Variants in SENP2 observed in about 807,000 individuals in gnomAD.
SENP2 encodes sentrin-specific protease 2.
In SENP2, 16 loss-of-function variants were observed where a neutral mutation model predicts 86.3. The ratio of observed to expected loss-of-function variants is 0.19; its 90% confidence interval spans 0.13 to 0.28. SENP2 has a LOEUF of 0.28. Among genes scored for constraint, SENP2 ranks in the 10% least tolerant of loss-of-function variants. The pLI, the probability that SENP2 is intolerant of heterozygous loss-of-function variation, is 1.00. For missense variants in SENP2, 552 were observed against 703.0 expected, an observed-to-expected ratio of 0.79 and a Z score of 2.43; for synonymous variants, 222 against 238.7, an observed-to-expected ratio of 0.93 and a Z score of 0.64.
chr3:185,611,637 T>C lies in SENP2; in HGVS notation c.723-14T>C. On this transcript the variant is annotated splice_polypyrimidine_tract_variant and intron_variant, in intron 7 of 16. Transcript: ENST00000296257. ...CTTTTGTATCTGATCTCCCTCACTT[T>C]TTGTGTTTCTAAGTTCTCAAAGAAG... 6.3e-7 allele frequency: 1 copy of C among 1,589,850 alleles called. No homozygotes were observed. Among genetic ancestry groups the C allele is most frequent in the Non-Finnish European group, 8.6e-7 (1 of 1,158,956 alleles).
intron 6 of SENP2, among the ~76,000 whole-genome samples, chr3:185,607,881 TG>T (rs1388536115): frequency 5.9e-5 from 9 of 152,222 alleles, no homozygotes; most frequent in Non-Finnish European, 8.8e-5. Flanking sequence ...GGGAAGTAAA[TG>T]GTGTGCATCT....
At chr3:185,615,665 G>A (rs983396127) in intron 11 of SENP2, among the ~76,000 whole-genome samples, 3 of 152,040 alleles carry the variant, frequency 2.0e-5, no homozygotes, top group Non-Finnish European at 4.4e-5. Context: ...AATTTCTATT[G>A]GGTTTATAGA....
rs1228243966 is a variant in SENP2 at position 185,631,029 on chromosome 3, A to ATAT, written c.*1187_*1189dup. 2.6e-5 allele frequency: 4 copies of ATAT among 152,212 alleles called. No individual in the cohort carries two copies. Among genetic ancestry groups the ATAT allele is most frequent in the Non-Finnish European group, 4.4e-5 (3 of 68,034 alleles). The allele number at this position is 152,212 out of a possible 1,614,324, so 9.4% of individuals were successfully genotyped here. On this transcript the variant is annotated 3_prime_UTR_variant, in exon 17 of 17. Transcript: ENST00000296257. Reference sequence around the variant, plus strand: ...CAGACAGTTTAGAGTTGGTCAGAACATATTTTGCAAGATCTAGTGCCTAGT... The same window carrying ATAT: ...CAGACAGTTTAGAGTTGGTCAGAACATATTATTTTGCAAGATCTAGTGCCTAGT...
At chr3:185,597,009 G>A (rs1312795638) in intron 2 of SENP2, among the ~76,000 whole-genome samples, 1 of 151,896 alleles carries the variant, frequency 6.6e-6, no homozygotes, top group Non-Finnish European at 1.5e-5. Context: ...GCACACCACT[G>A]AGCCCAGCTA....
intron 2 of SENP2, among the ~76,000 whole-genome samples, chr3:185,596,430 G>C (rs1435577319): frequency 6.6e-6 from 1 of 151,884 alleles, no homozygotes; most frequent in African/African-American, 2.4e-5. Flanking sequence ...GACCAGCCTG[G>C]GCAACATAGT....
intron 12 of SENP2, among the ~76,000 whole-genome samples, chr3:185,617,878 G>A (rs1281346573): frequency 1.3e-5 from 2 of 152,096 alleles, no homozygotes; most frequent in African/African-American, 2.4e-5. Flanking sequence ...GCTGATAAAC[G>A]GGAGGAAGCA....
At chr3:185,595,450 T>C (rs1241893920) in intron 2 of SENP2, among the ~76,000 whole-genome samples, 2 of 152,198 alleles carry the variant, frequency 1.3e-5, no homozygotes, top group Non-Finnish European at 2.9e-5. Flanking sequence ...CTTATAACTA[T>C]TAGCAAATTT....
chr3:185,607,474 A>C (rs1339929844), intron 6 of SENP2, among the ~76,000 whole-genome samples: 1 of 151,704 alleles, frequency 6.6e-6, no homozygotes, highest in Non-Finnish European at 1.5e-5. Flanking sequence ...GATTACAGGC[A>C]TGTGCCACCA....
intron 11 of SENP2, 41 bp from the exon 12 acceptor site, chr3:185,617,439 G>T: frequency 6.4e-7 from 1 of 1,555,878 alleles, no homozygotes; most frequent in Non-Finnish European, 8.7e-7. Flanking sequence ...ATAATGAATG[G>T]TTCTATATTA....
At chr3:185,605,350 G>A (rs1045746276) in intron 5 of SENP2, among the ~76,000 whole-genome samples, 5 of 151,514 alleles carry the variant, frequency 3.3e-5, no homozygotes, top group Non-Finnish European at 5.9e-5. Context: ...CTGCCTGGAG[G>A]ACAAGAGTGA....
intron 16 of SENP2, among the ~76,000 whole-genome samples, chr3:185,629,537 CT>C (rs1255331570): frequency 6.6e-6 from 1 of 150,550 alleles, no homozygotes; most frequent in African/African-American, 2.5e-5. Flanking sequence ...GATCGCGCCA[CT>C]GCACTCCAGC....
intron 8 of SENP2, chr3:185,612,282 G>A (rs1722725514): frequency 4.6e-6 from 1 of 216,042 alleles, no homozygotes; most frequent in Non-Finnish European, 9.2e-6. Flanking sequence ...CTAGATAGTA[G>A]CAACTATTTT....
intron 14 of SENP2, among the ~76,000 whole-genome samples, chr3:185,622,352 A>G (rs137929876): frequency 6.6e-6 from 1 of 152,166 alleles, no homozygotes; most frequent in South Asian, 2.1e-4. Flanking sequence ...ATAGAAACCA[A>G]TCTTTAAAGC....
intron 2 of SENP2, among the ~76,000 whole-genome samples, chr3:185,591,440 C>T (rs1721994255): frequency 6.6e-6 from 1 of 152,036 alleles, no homozygotes; most frequent in South Asian, 2.1e-4. Context: ...CAACCTCCAC[C>T]TCCCGGGTTC....
intron 4 of SENP2, among the ~76,000 whole-genome samples, chr3:185,599,315 T>A (rs2148983802): frequency 6.6e-6 from 1 of 152,316 alleles, no homozygotes; most frequent in Middle Eastern, 3.4e-3. Context: ...GAGAACTTAC[T>A]CTGTGCCGGG....
chr3:185,618,763 C>T (rs1711721027), intron 12 of SENP2, among the ~76,000 whole-genome samples: 1 of 151,986 alleles, frequency 6.6e-6, no homozygotes, highest in Non-Finnish European at 1.5e-5. Context: ...CCTGTAGTCC[C>T]AGCTACTCGG....
In SENP2 at chr3:185,598,554, G is replaced by A; in HGVS notation, c.291+9G>A. ...TGGCCCCTTCAGGAGAGGTCAGTGG[G>A]GATGAGACTCCATTAGGAATACTGA... On this transcript the variant is annotated intron_variant, in intron 3 of 16. Transcript: ENST00000296257. 1 of 1,611,946 alleles carries A rather than the reference G, an allele frequency of 6.2e-7. No homozygotes were observed. Among genetic ancestry groups the A allele is most frequent in the East Asian group, 2.2e-5 (1 of 44,814 alleles).
At chr3:185,600,990 C>A in intron 5 of SENP2, 135 bp downstream of exon 5, 1 of 602,816 alleles carries the variant, frequency 1.7e-6, no homozygotes, top group South Asian at 2.3e-5. Context: ...GAATGTCATG[C>A]AGCCAGTGAG....
Position 185,619,605 on chromosome 3 carries a change from A to G in SENP2, c.1446+103A>G, listed in dbSNP as rs1217095883. The G allele has an allele frequency of 3.7e-6, 3 of 804,236 alleles. No homozygotes were observed. The African/African-American group carries it at 5.2e-5, about 14-fold the overall frequency. The allele number at this position is 804,236 out of a possible 1,614,324, so 49.8% of individuals were successfully genotyped here. On this transcript the variant is annotated intron_variant, in intron 13 of 16. Transcript: ENST00000296257. ...CCCTGTGTATAGAGGCCAATAGTAT[A>G]TATTATAAGCATACTCTGCAGAGTC...
Sources: allele counts gnomAD v4.1 joint callset (sites outside exome capture counted in the v4.1 genomes callset), GRCh38; gene constraint gnomAD v4.1.1; transcripts MANE v1.5; gene names NCBI Gene and HGNC (gene_info 2026-07-23, HGNC 2026-07-21).